Variants in HSF5 observed in about 807,000 individuals in gnomAD.
HSF5 encodes the protein heat shock transcription factor 5.
HSF5 carries 5 observed loss-of-function variants against 50.8 expected under a neutral mutation model. The observed-to-expected ratio is 0.10, with a 90% CI of 0.05 to 0.21. The LOEUF is 0.21. HSF5 is among the 10% of genes least tolerant of loss of function. The pLI is 1.00. For synonymous variants in HSF5, 307 were observed against 307.4 expected, an observed-to-expected ratio of 1.00 and a Z score of 0.02; for missense variants, 564 against 762.6, an observed-to-expected ratio of 0.74 and a Z score of 3.07.
At position 58,420,636 on chromosome 17, in the gene HSF5, TG is replaced by T. The variant is rs1309075907; in HGVS notation, c.*1723del. ...AAGCAAAGTTCCTTCATTTGGAAAT[TG>T]GGTCTCCTCTTCACATACTCTGACA... On this transcript the variant is annotated 3_prime_UTR_variant, in exon 6 of 6. Transcript: ENST00000323777. The T allele has an allele frequency of 3.9e-5, 6 of 152,178 alleles. No individual in the cohort carries two copies. The highest frequency in any genetic ancestry group is 1.3e-4 in the Admixed American group (2 of 15,278). 9.4% of individuals were successfully genotyped at this position (152,178 alleles called of 1,614,324 possible). A position where few individuals can be genotyped will look rare whatever the true frequency, so the allele number is the denominator to read the frequency against.
chr17:58,476,939 G>A (rs1975019690), intron 2 of HSF5: 2 of 748,418 alleles, frequency 2.7e-6, no homozygotes, highest in East Asian at 2.6e-5. Context: ...GATTTTGGCA[G>A]CGGACGCCCA....
At chr17:58,444,859 T>C (rs1368286431) in intron 5 of HSF5, among the ~76,000 whole-genome samples, 2 of 152,180 alleles carry the variant, frequency 1.3e-5, no homozygotes, top group Non-Finnish European at 2.9e-5. Context: ...TCAGAATATG[T>C]TTTAAAAACT....
At chr17:58,434,143 C>T (rs1974397143) in intron 5 of HSF5, among the ~76,000 whole-genome samples, 1 of 151,650 alleles carries the variant, frequency 6.6e-6, no homozygotes, top group South Asian at 2.1e-4. Flanking sequence ...GAACTCCTGA[C>T]CTCAGGTGAT....
intron 5 of HSF5, among the ~76,000 whole-genome samples, chr17:58,427,508 T>C (rs551546909): frequency 6.6e-6 from 1 of 152,304 alleles, no homozygotes; most frequent in East Asian, 1.9e-4. Context: ...AAGGAGTCTT[T>C]AGAGGAGGAT....
intron 5 of HSF5, among the ~76,000 whole-genome samples, chr17:58,456,166 T>TAC (rs750773079): frequency 0.051 from 7,173 of 141,270 alleles, 197 homozygotes; most frequent in Non-Finnish European, 0.064. Context: ...TGTGTGTATA[T>TAC]ACACACACAC....
intron 5 of HSF5, among the ~76,000 whole-genome samples, chr17:58,424,111 T>C (rs1191695924): frequency 6.6e-6 from 1 of 152,206 alleles, no homozygotes; most frequent in East Asian, 1.9e-4. Flanking sequence ...GAACAAGTAA[T>C]TTATCCACAT....
intron 5 of HSF5, among the ~76,000 whole-genome samples, chr17:58,454,859 T>C (rs1369064303): frequency 1.3e-5 from 2 of 152,208 alleles, no homozygotes; most frequent in Admixed American, 6.5e-5. Context: ...GGATATCGCA[T>C]GTGCATGGAT....
intron 4 of HSF5, among the ~76,000 whole-genome samples, chr17:58,459,404 T>C (rs898922349): frequency 2.0e-5 from 3 of 151,968 alleles, no homozygotes; most frequent in African/African-American, 4.8e-5. Context: ...TCCCAGCACT[T>C]TGGGAGGCCA....
chr17:58,437,121 C>T (rs905719934), intron 5 of HSF5, among the ~76,000 whole-genome samples: 1 of 152,112 alleles, frequency 6.6e-6, no homozygotes, highest in Non-Finnish European at 1.5e-5. Context: ...TCTGGTATAG[C>T]ATGGAACAGA....
chr17:58,459,745 C>A (rs1178427733), intron 4 of HSF5, among the ~76,000 whole-genome samples: 4 of 151,848 alleles, frequency 2.6e-5, no homozygotes, highest in African/African-American at 9.7e-5. Flanking sequence ...CCTGGGCCTC[C>A]CAAAGCACTG....
intron 1 of HSF5, among the ~76,000 whole-genome samples, chr17:58,481,845 CA>C (rs1280574945): frequency 6.6e-6 from 1 of 152,072 alleles, no homozygotes; most frequent in East Asian, 1.9e-4. Context: ...ACAAAATATA[CA>C]AAAATCAGCT....
intron 2 of HSF5, among the ~76,000 whole-genome samples, chr17:58,479,602 C>T (rs1234401142): frequency 1.3e-5 from 2 of 152,052 alleles, no homozygotes; most frequent in African/African-American, 2.4e-5. Flanking sequence ...CACATCTGGC[C>T]TTGGGGTACT....
intron 2 of HSF5, chr17:58,476,816 AGTCT>A (rs1437065874): frequency 1.3e-6 from 2 of 1,570,808 alleles, no homozygotes; most frequent in African/African-American, 1.4e-5. Flanking sequence ...TTGTTCATTA[AGTCT>A]GTCTATTTCA....
At chr17:58,487,414 C>T (rs1598206215) in intron 1 of HSF5, among the ~76,000 whole-genome samples, 1 of 152,194 alleles carries the variant, frequency 6.6e-6, no homozygotes, top group Non-Finnish European at 1.5e-5. Flanking sequence ...AGGTAAACTC[C>T]TGGGGTTCAA....
intron 5 of HSF5, among the ~76,000 whole-genome samples, chr17:58,439,094 G>A (rs1475012944): frequency 6.6e-6 from 1 of 151,636 alleles, no homozygotes; most frequent in Non-Finnish European, 1.5e-5. Context: ...CTATGATCGT[G>A]CCAGACTAGG....
At chr17:58,452,088 A>T (rs539608880) in intron 5 of HSF5, among the ~76,000 whole-genome samples, 2 of 152,034 alleles carry the variant, frequency 1.3e-5, no homozygotes, top group Non-Finnish European at 2.9e-5. Flanking sequence ...TCTACAAAAA[A>T]AAATTTTTAA....
chr17:58,432,866 G>A (rs1176461292), intron 5 of HSF5, among the ~76,000 whole-genome samples: 1 of 152,134 alleles, frequency 6.6e-6, no homozygotes, highest in East Asian at 1.9e-4. Flanking sequence ...CCAAATAAAG[G>A]AGGTGAGAAA....
intron 5 of HSF5, among the ~76,000 whole-genome samples, chr17:58,437,402 C>G (rs921881802): frequency 6.6e-6 from 1 of 152,108 alleles, no homozygotes; most frequent in African/African-American, 2.4e-5. Context: ...AGGAACACTT[C>G]AAGTATTTAA....
chr17:58,429,740 G>C (rs1567905207), intron 5 of HSF5, among the ~76,000 whole-genome samples: 1 of 151,504 alleles, frequency 6.6e-6, no homozygotes, highest in African/African-American at 2.4e-5. Context: ...CAGCTGCTTG[G>C]GAGGCTGAGG....
Sources: gnomAD v4.1 joint callset for allele counts (sites outside exome capture counted in the v4.1 genomes callset) on GRCh38, gnomAD v4.1.1 for gene constraint, MANE v1.5 for transcripts, NCBI Gene and HGNC (gene_info 2026-07-23, HGNC 2026-07-21) for gene names.